Variants in CRLF3 observed in about 807,000 individuals in gnomAD.
The protein encoded by CRLF3 is cytokine receptor-like factor 3.
In CRLF3, 33 loss-of-function variants were observed where a neutral mutation model predicts 55.0. The observed-to-expected ratio is 0.60, with a 90% CI of 0.46 to 0.80. The LOEUF (loss-of-function observed/expected upper bound fraction) is 0.80, where lower values mean the gene tolerates loss of function less well. Among genes scored for constraint, CRLF3 ranks in the 30% least tolerant of loss-of-function variants. The probability of loss-of-function intolerance (pLI) is 0.00; values close to 1 mark genes in which losing one functional copy is unlikely to be tolerated. For synonymous variants in CRLF3, 238 were observed against 196.8 expected (o/e 1.21, Z -1.75); for missense variants, 494 against 538.4 (o/e 0.92, Z 0.82).
chr17:30,818,415 G>A (rs1669532693), intron 1 of CRLF3, among the ~76,000 whole-genome samples: 1 of 151,596 alleles, frequency 6.6e-6, no homozygotes, highest in Non-Finnish European at 1.5e-5. Context: ...AGAAGGGGAA[G>A]TGGGAGATAA....
chr17:30,815,041 T>C (rs557852964), intron 1 of CRLF3, among the ~76,000 whole-genome samples: 10 of 150,304 alleles, frequency 6.7e-5, no homozygotes, highest in Non-Finnish European at 1.2e-4. Context: ...AACATACCTC[T>C]ATAACATTCA....
At chr17:30,792,073 C>T (rs530707854) in intron 6 of CRLF3, among the ~76,000 whole-genome samples, 1 of 152,206 alleles carries the variant, frequency 6.6e-6, no homozygotes, top group South Asian at 2.1e-4. Flanking sequence ...GTCTCGAACT[C>T]CCGACCTCAG....
In CRLF3 at chr17:30,783,259, A is replaced by C. The variant is rs1376415179; in HGVS notation, c.*928T>G. ...AATACTGTAGCCTATACTGTATCAA[A>C]TTGCAATGAAAGAACAAAAGGTACT... is the stretch of plus-strand genomic sequence containing the variant. On this transcript the variant is annotated 3_prime_UTR_variant, in exon 8 of 8. Transcript: ENST00000324238. 1 of 152,236 alleles carries C rather than the reference A, an allele frequency of 6.6e-6. No homozygotes were observed. Among genetic ancestry groups the C allele is most frequent in the Non-Finnish European group, 1.5e-5 (1 of 68,052 alleles). The allele number at this position is 152,236 out of a possible 1,614,324, so 9.4% of individuals were successfully genotyped here.
At chr17:30,792,877 C>A (rs893288990) in intron 5 of CRLF3, 4 of 196,638 alleles carry the variant, frequency 2.0e-5, no homozygotes, top group African/African-American at 7.0e-5. Context: ...AATTAATAGG[C>A]CAGGCGCGGT....
In CRLF3 at chr17:30,824,553, C is replaced by A; in HGVS notation, c.99G>T (p.Arg33=). 1 of 1,600,216 alleles carries A rather than the reference C, an allele frequency of 6.2e-7. No individual in the cohort carries two copies. Among genetic ancestry groups the A allele is most frequent in the Non-Finnish European group, 8.5e-7 (1 of 1,177,692 alleles). The change falls in exon 1 of 8, where the codon CGG becomes CGT. Residue 33 remains arginine (R), a synonymous_variant. Coordinates refer to ENST00000324238, the MANE Select transcript of CRLF3 (RefSeq NM_015986.4). ...AQSYRRELGH[R]LEGLREARRQ... The stretch of plus-strand genomic sequence containing the variant: ...TCCGCGCCTCACGCAGCCCCTCAAG[C>A]CGGTGACCCAGCTCCCGCCGGTAGC...
rs141537391 is a variant in CRLF3, at chr17:30,797,917, C to T, written c.338-519G>A. Reference sequence around the variant, plus strand: ...AGCCTCCCAAGTAGCTGTGACCACACGTGCACGCCACCATGCCCAGCTATT... The same window carrying T: ...AGCCTCCCAAGTAGCTGTGACCACATGTGCACGCCACCATGCCCAGCTATT... On this transcript the variant is annotated intron_variant, in intron 2 of 7. Transcript: ENST00000324238. Among the ~76,000 whole-genome samples, 428 of 149,916 alleles carry T rather than the reference C, an allele frequency of 2.9e-3. 3 individuals carry two copies. Among genetic ancestry groups the T allele is most frequent in the African/African-American group, 0.01 (408 of 40,558 alleles).
chr17:30,813,392 A>G (rs1314250215), intron 1 of CRLF3, among the ~76,000 whole-genome samples: 1 of 152,180 alleles, frequency 6.6e-6, no homozygotes, highest in Non-Finnish European at 1.5e-5. Flanking sequence ...AGTAACTATA[A>G]TGAAATGAAT....
At chr17:30,785,183 T>G (rs1262543777) in intron 7 of CRLF3, 3 of 150,786 alleles carry the variant, frequency 2.0e-5, no homozygotes, top group Non-Finnish European at 2.9e-5. Context: ...TCAAGCGATT[T>G]TCCTACCTCA....
chr17:30,792,415 G>C, intron 6 of CRLF3, 25 bp downstream of exon 6: 1 of 1,592,210 alleles, frequency 6.3e-7, no homozygotes. Context: ...CCTGAGGCAG[G>C]TGAGATGTTT....
intron 4 of CRLF3, among the ~76,000 whole-genome samples, chr17:30,794,184 TAAA>T (rs775698439): frequency 6.6e-6 from 1 of 152,158 alleles, no homozygotes; most frequent in Admixed American, 6.6e-5. Flanking sequence ...CAGTCTGATA[TAAA>T]AAAGTCTGCC....
At chr17:30,789,473 T>TAAGGACA (rs1018113056) in intron 6 of CRLF3, among the ~76,000 whole-genome samples, 10 of 152,278 alleles carry the variant, frequency 6.6e-5, no homozygotes, top group Non-Finnish European at 7.3e-5. Context: ...GTTAAAGAGC[T>TAAGGACA]AAGGACACAG....
intron 1 of CRLF3, among the ~76,000 whole-genome samples, chr17:30,811,129 A>G (rs1478313971): frequency 6.6e-6 from 1 of 152,060 alleles, no homozygotes; most frequent in African/African-American, 2.4e-5. Flanking sequence ...CACATATATA[A>G]AACACAAAAC....
At chr17:30,816,289 A>G (rs1904803979) in intron 1 of CRLF3, among the ~76,000 whole-genome samples, 3 of 151,852 alleles carry the variant, frequency 2.0e-5, no homozygotes, top group African/African-American at 7.3e-5. Context: ...CTCAAAAAAA[A>G]AAAAAAAAGA....
In CRLF3 at chr17:30,784,437, ACTG is replaced by A. The variant is rs1971587620; in HGVS notation, c.1076_1078del (p.Ala359del). On this transcript the variant is annotated inframe_deletion, in exon 8 of 8. Transcript: ENST00000324238. ...TGTCATTTCTTTTCCATTGACAAAA[ACTG>A]CACCTAAAATGTTAAGGTAAAGAGT... 1.2e-6 allele frequency: 2 copies of A among 1,611,280 alleles called. No homozygotes were observed. The highest frequency in any genetic ancestry group is 1.7e-6 in the Non-Finnish European group (2 of 1,177,658).
chr17:30,788,343 A>C (rs1733812863), intron 6 of CRLF3, among the ~76,000 whole-genome samples: 1 of 149,688 alleles, frequency 6.7e-6, no homozygotes, highest in Non-Finnish European at 1.5e-5. Flanking sequence ...AAAAAAGAAA[A>C]GAAAAGAAAA....
chr17:30,788,451 T>A (rs1971701831), intron 6 of CRLF3, among the ~76,000 whole-genome samples: 1 of 150,278 alleles, frequency 6.7e-6, no homozygotes. Flanking sequence ...AAGGAGGGGG[T>A]TGCTAGCAGA....
At position 30,785,973 on chromosome 17, in the gene CRLF3, G is replaced by A; in HGVS notation, c.1018C>T (p.Gln340Ter). The A allele has an allele frequency of 6.2e-7, 1 of 1,613,196 alleles. No homozygotes were observed. The change falls in exon 7 of 8, where the codon CAG (glutamine) becomes TAG (stop). Residue 340 changes from glutamine (Q) to a stop codon, truncating the protein, a stop_gained. Coordinates refer to ENST00000324238, the MANE Select transcript of CRLF3 (RefSeq NM_015986.4). LOFTEE classifies it high-confidence loss of function. ...RDSIGVCAEK[Q>*]DGYDSLQRDQ... ...CGCTGCAGAGAGTCATATCCATCCT[G>A]TTTTTCTGCACACACTCCTATGCTA...
chr17:30,818,423 T>C (rs1432170030), intron 1 of CRLF3, among the ~76,000 whole-genome samples: 2 of 151,224 alleles, frequency 1.3e-5, no homozygotes, highest in East Asian at 3.9e-4. Flanking sequence ...AAGTGGGAGA[T>C]AAAAGGAGCA....
intron 2 of CRLF3, 183 bp downstream of exon 2, chr17:30,803,718 C>T: frequency 3.3e-6 from 2 of 615,172 alleles, no homozygotes; most frequent in South Asian, 3.9e-5. Flanking sequence ...ATTCTCTTCT[C>T]TTGTCTGCCG....
Sources: allele counts gnomAD v4.1 joint callset (sites outside exome capture counted in the v4.1 genomes callset), GRCh38; gene constraint gnomAD v4.1.1; transcripts MANE v1.5; gene names NCBI Gene and HGNC (gene_info 2026-07-23, HGNC 2026-07-21).